POU6F2: variants seen among roughly 807,000 people sequenced by gnomAD.
The protein encoded by POU6F2 is POU class 6 homeobox 2.
Under a neutral mutation model 71.3 loss-of-function variants are expected in POU6F2, and 31 were observed. The observed-to-expected ratio is 0.43, with a 90% CI of 0.33 to 0.59. The LOEUF (loss-of-function observed/expected upper bound fraction) is 0.59. Among genes scored for constraint, POU6F2 ranks in the 20% least tolerant of loss-of-function variants. The pLI is 0.04. For synonymous variants in POU6F2, 347 were observed against 355.7 expected (o/e 0.98, Z 0.27); for missense variants, 783 against 856.8 (o/e 0.91, Z 1.07).
chr7:39,422,092 A>C (rs1160810496), intron 6 of POU6F2, among the ~76,000 whole-genome samples: 1 of 152,244 alleles, frequency 6.6e-6, no homozygotes, highest in Admixed American at 6.5e-5. Context: ...GCTACCAAGA[A>C]AATGAAAAGA....
chr7:39,295,353 C>T (rs145205724), intron 4 of POU6F2, among the ~76,000 whole-genome samples: 37 of 152,248 alleles, frequency 2.4e-4, no homozygotes, highest in African/African-American at 2.4e-4. Flanking sequence ...CGGTGGCTCA[C>T]GCCTGTAATC....
Position 39,347,761 on chromosome 7 carries a change from G to A in POU6F2, c.972+7746G>A, listed in dbSNP as rs142670924. 3.6e-5 allele frequency among the ~76,000 whole-genome samples: 4 copies of A among 110,510 alleles called. 1 individual carries two copies. Among genetic ancestry groups the A allele is most frequent in the South Asian group, 2.7e-4 (1 of 3,692 alleles). 72.5% of individuals were successfully genotyped at this position (110,510 alleles called of 152,430 possible). A position where few individuals can be genotyped will look rare whatever the true frequency, so the allele number is the denominator to read the frequency against. On this transcript the variant is annotated intron_variant, in intron 5 of 9. Coordinates refer to ENST00000518318, the MANE Select transcript of POU6F2 (RefSeq NM_001370959.1). ...ATCCTCCTGCCTCAGCCTCCCGAGC[G>A]TCTGGGACTACAGGCATGTACCATC...
At chr7:39,288,541 G>A (rs976924925) in intron 4 of POU6F2, among the ~76,000 whole-genome samples, 1 of 152,162 alleles carries the variant, frequency 6.6e-6, no homozygotes. Context: ...AATGCTTTTT[G>A]GAGATACAAC....
chr7:39,408,123 G>A (rs769112268), intron 6 of POU6F2, among the ~76,000 whole-genome samples: 5 of 152,298 alleles, frequency 3.3e-5, no homozygotes, highest in African/African-American at 7.2e-5. Context: ...TGGTTTTAAT[G>A]TCTGTAACTC....
At chr7:39,035,047 A>T (rs1790027623) in intron 1 of POU6F2, among the ~76,000 whole-genome samples, 1 of 151,762 alleles carries the variant, frequency 6.6e-6, no homozygotes, top group Non-Finnish European at 1.5e-5. Flanking sequence ...GTGTGTTTAT[A>T]TGCACAGACA....
At chr7:39,122,443 G>A (rs910816176) in intron 2 of POU6F2, among the ~76,000 whole-genome samples, 23 of 152,280 alleles carry the variant, frequency 1.5e-4, no homozygotes, top group Non-Finnish European at 3.1e-4. Flanking sequence ...ATAGGCCACC[G>A]GTGCCAAGTA....
intron 1 of POU6F2, among the ~76,000 whole-genome samples, chr7:39,037,886 C>A (rs1472559539): frequency 6.6e-6 from 1 of 152,060 alleles, no homozygotes; most frequent in African/African-American, 2.4e-5. Flanking sequence ...ATCCCCCGAC[C>A]ATTTACCGCC....
At chr7:39,422,512 T>G (rs1424437086) in intron 6 of POU6F2, among the ~76,000 whole-genome samples, 3 of 152,176 alleles carry the variant, frequency 2.0e-5, no homozygotes, top group Admixed American at 6.6e-5. Context: ...GATAGGAAAA[T>G]TAAAATATAT....
chr7:39,025,631 A>G (rs561607045), intron 1 of POU6F2, among the ~76,000 whole-genome samples: 31 of 151,992 alleles, frequency 2.0e-4, no homozygotes, highest in South Asian at 4.2e-4. Context: ...TGTTAGACCT[A>G]AAACCATAAA....
intron 5 of POU6F2, among the ~76,000 whole-genome samples, chr7:39,356,872 G>C (rs898992954): frequency 6.6e-6 from 1 of 152,132 alleles, no homozygotes; most frequent in Non-Finnish European, 1.5e-5. Context: ...GTGGGTTTTG[G>C]GAAATGGGGG....
chr7:39,308,296 C>T (rs1785085612), intron 4 of POU6F2, among the ~76,000 whole-genome samples: 1 of 152,178 alleles, frequency 6.6e-6, no homozygotes, highest in Non-Finnish European at 1.5e-5. Flanking sequence ...GGGGTGGGGG[C>T]ACGGATGGGG....
intron 2 of POU6F2, among the ~76,000 whole-genome samples, chr7:39,096,759 G>T (rs987949795): frequency 1.3e-5 from 2 of 152,014 alleles, no homozygotes; most frequent in African/African-American, 4.8e-5. Context: ...AAAAAAAAAT[G>T]ACTTAAAATT....
chr7:39,020,176 T>G (rs1276207107), intron 1 of POU6F2, among the ~76,000 whole-genome samples: 1 of 152,134 alleles, frequency 6.6e-6, no homozygotes, highest in Non-Finnish European at 1.5e-5. Flanking sequence ...GCCTTTGTAG[T>G]GAGAAAGTGT....
At chr7:39,430,724 C>T (rs1788080818) in intron 6 of POU6F2, among the ~76,000 whole-genome samples, 1 of 152,206 alleles carries the variant, frequency 6.6e-6, no homozygotes, top group African/African-American at 2.4e-5. Flanking sequence ...TCTCAGGCTA[C>T]TTGCTCCCAC....
At chr7:39,127,313 A>T (rs544475523) in intron 2 of POU6F2, among the ~76,000 whole-genome samples, 1 of 152,272 alleles carries the variant, frequency 6.6e-6, no homozygotes, top group South Asian at 2.1e-4. Context: ...TCCTTACCAA[A>T]AACGTGTCTA....
intron 4 of POU6F2, among the ~76,000 whole-genome samples, chr7:39,322,275 CT>C (rs1481040634): frequency 2.0e-5 from 3 of 152,202 alleles, no homozygotes; most frequent in Admixed American, 2.0e-4. Flanking sequence ...TCACTTGCAC[CT>C]TATGCTTTGG....
chr7:39,029,306 T>C (rs1328544383), intron 1 of POU6F2, among the ~76,000 whole-genome samples: 3 of 152,196 alleles, frequency 2.0e-5, no homozygotes, highest in African/African-American at 7.2e-5. Flanking sequence ...TTATGTGATC[T>C]GAAAAATAAC....
chr7:39,005,705 G>A (rs892982811), intron 1 of POU6F2, among the ~76,000 whole-genome samples: 1 of 152,000 alleles, frequency 6.6e-6, no homozygotes, highest in African/African-American at 2.4e-5. Context: ...ATGGACTACT[G>A]TCTGGTTTGG....
intron 6 of POU6F2, among the ~76,000 whole-genome samples, chr7:39,431,606 C>T (rs1218688027): frequency 2.0e-5 from 3 of 152,146 alleles, no homozygotes; most frequent in Non-Finnish European, 4.4e-5. Context: ...CAAGGTCCTC[C>T]ATGCTGTGGG....
Sources: allele counts gnomAD v4.1 joint callset (sites outside exome capture counted in the v4.1 genomes callset), GRCh38; gene constraint gnomAD v4.1.1; transcripts MANE v1.5; gene names NCBI Gene and HGNC (gene_info 2026-07-23, HGNC 2026-07-21).